Variants in CDH12 observed in about 807,000 individuals in gnomAD.
CDH12 encodes the protein cadherin-12.
In CDH12, 41 loss-of-function variants were observed where a neutral mutation model predicts 74.1. That is an observed-to-expected ratio of 0.55 (90% CI 0.43 to 0.72). The LOEUF (loss-of-function observed/expected upper bound fraction) is 0.72. Among genes scored for constraint, CDH12 ranks in the 30% least tolerant of loss-of-function variants. The pLI is 0.00. For synonymous variants in CDH12, 399 were observed against 355.0 expected (o/e 1.12, Z -1.39); for missense variants, 945 against 977.2 (o/e 0.97, Z 0.44).
intron 2 of CDH12, among the ~76,000 whole-genome samples, chr5:22,495,931 T>C (rs890974055): frequency 1.3e-5 from 2 of 152,200 alleles, no homozygotes; most frequent in South Asian, 4.1e-4. Flanking sequence ...GAACTTACTT[T>C]TTTACAAACC....
intron 1 of CDH12, among the ~76,000 whole-genome samples, chr5:22,612,382 ATATCT>A (rs1487435904): frequency 7.9e-5 from 12 of 152,130 alleles, no homozygotes; most frequent in Admixed American, 7.9e-4. Flanking sequence ...CTTTGTGCAG[ATATCT>A]TATATTTACT....
At chr5:22,204,173 T>TG (rs1292276522) in intron 4 of CDH12, among the ~76,000 whole-genome samples, 1 of 148,006 alleles carries the variant, frequency 6.8e-6, no homozygotes, top group African/African-American at 2.5e-5. Context: ...TTTTTTTTTT[T>TG]TTGTTTTTTG....
At chr5:21,895,254 C>T (rs7448757) in intron 6 of CDH12, among the ~76,000 whole-genome samples, 113,688 of 152,160 alleles carry the variant, frequency 0.75, 44,524 homozygotes, top group Non-Finnish European at 0.86. Flanking sequence ...GCTTACCTCA[C>T]ATACCCCATG....
intron 1 of CDH12, among the ~76,000 whole-genome samples, chr5:22,801,691 T>C: frequency 7.9e-6 from 1 of 126,138 alleles, no homozygotes; most frequent in Non-Finnish European, 1.7e-5. Flanking sequence ...ATATACACTT[T>C]GTTTAATAGG....
chr5:22,566,958 C>T (rs367729926), intron 1 of CDH12, among the ~76,000 whole-genome samples: 1 of 152,078 alleles, frequency 6.6e-6, no homozygotes, highest in Non-Finnish European at 1.5e-5. Flanking sequence ...TATGACATTA[C>T]CCATTTGGTT....
At position 21,836,780 on chromosome 5, in the gene CDH12, A is replaced by G. The variant is rs548730570; in HGVS notation, c.814+5381T>C. On this transcript the variant is annotated intron_variant, in intron 8 of 14. Transcript: ENST00000382254. ...ACTTTTCTGTAGCTTATTTTAACAG[A>G]TGGAAATCCTCTACAGATATCCTTG... Among the ~76,000 whole-genome samples the G allele has an allele frequency of 1.3e-3, 201 of 152,060 alleles. 2 individuals carry two copies. The Middle Eastern group carries it at 0.044, about 33-fold the overall frequency.
At position 22,250,013 on chromosome 5, in the gene CDH12, T is replaced by C. The variant is rs148188992; in HGVS notation, c.-332-37370A>G. ...ATTGAGCCTTAAACAAAGTCCGTCA[T>C]CCAATTAAAAAAAAAATGTAGGCTG... is the stretch of plus-strand genomic sequence containing the variant. On this transcript the variant is annotated intron_variant, in intron 3 of 14. Coordinates refer to ENST00000382254, the MANE Select transcript of CDH12 (RefSeq NM_004061.5). Among the ~76,000 whole-genome samples, 1,004 of 151,752 alleles carry C rather than the reference T, an allele frequency of 6.6e-3. 8 individuals carry two copies. Among genetic ancestry groups the C allele is most frequent in the African/African-American group, 0.022 (903 of 41,372 alleles).
chr5:22,612,377 T>A (rs555208780), intron 1 of CDH12, among the ~76,000 whole-genome samples: 3 of 152,286 alleles, frequency 2.0e-5, no homozygotes, highest in Non-Finnish European at 4.4e-5. Context: ...TTTATCTTTG[T>A]GCAGATATCT....
At chr5:22,197,774 C>T (rs1421549218) in intron 4 of CDH12, among the ~76,000 whole-genome samples, 1 of 152,034 alleles carries the variant, frequency 6.6e-6, no homozygotes, top group Non-Finnish European at 1.5e-5. Flanking sequence ...CCAAGATGAT[C>T]TCAAACACAA....
At chr5:22,496,390 A>G (rs754044564) in intron 2 of CDH12, among the ~76,000 whole-genome samples, 3 of 152,208 alleles carry the variant, frequency 2.0e-5, no homozygotes, top group Non-Finnish European at 4.4e-5. Context: ...TTGCAACATA[A>G]TGTAGATGGA....
chr5:21,830,342 TATA>T lies in CDH12; in HGVS notation c.814+11816_814+11818del, dbSNP rs199888343. Among the ~76,000 whole-genome samples, 3 of 146,694 alleles carry T rather than the reference TATA, an allele frequency of 2.0e-5. No individual in the cohort carries two copies. In the East Asian group the frequency reaches 6.1e-4, roughly 30 times the overall value. On this transcript the variant is annotated intron_variant, in intron 8 of 14. Coordinates refer to ENST00000382254, the MANE Select transcript of CDH12 (RefSeq NM_004061.5). ...CGTTGAAAAGAGAAAGAGAGGAAAA[TATA>T]AGAGGGACAAGGAGAAGGAAAAAAT...
At chr5:21,756,118 A>C (rs2149864246) in intron 13 of CDH12, among the ~76,000 whole-genome samples, 1 of 152,186 alleles carries the variant, frequency 6.6e-6, no homozygotes, top group South Asian at 2.1e-4. Flanking sequence ...TAAATTGATC[A>C]ATTTTTTTAT....
intron 5 of CDH12, among the ~76,000 whole-genome samples, chr5:22,030,509 A>ATGTATT (rs1260330535): frequency 1.3e-5 from 2 of 152,184 alleles, no homozygotes; most frequent in Non-Finnish European, 2.9e-5. Context: ...TACAATACCT[A>ATGTATT]GTAAGTTATG....
chr5:22,385,783 G>C (rs1483634517), intron 3 of CDH12, among the ~76,000 whole-genome samples: 1 of 152,018 alleles, frequency 6.6e-6, no homozygotes, highest in African/African-American at 2.4e-5. Flanking sequence ...AAGCATGACT[G>C]GGGAGGCCTC....
chr5:21,976,278 T>TAGTATGGAATAAGATACACATG (rs1757067111), intron 5 of CDH12, among the ~76,000 whole-genome samples: 1 of 152,128 alleles, frequency 6.6e-6, no homozygotes, highest in Non-Finnish European at 1.5e-5. Flanking sequence ...CATTATGTTA[T>TAGTATGGAATAAGATACACATG]AGTATGGAAT....
chr5:22,158,375 C>T (rs1430994841), intron 4 of CDH12, among the ~76,000 whole-genome samples: 1 of 151,974 alleles, frequency 6.6e-6, no homozygotes, highest in African/African-American at 2.4e-5. Context: ...ATAATATTTA[C>T]TGAGCACTTA....
intron 1 of CDH12, among the ~76,000 whole-genome samples, chr5:22,702,353 C>G (rs1258773483): frequency 3.3e-5 from 5 of 152,116 alleles, no homozygotes; most frequent in Non-Finnish European, 5.9e-5. Context: ...ACCACTGATA[C>G]AAGGCAGATT....
At chr5:21,777,829 A>G (rs1217924379) in intron 11 of CDH12, among the ~76,000 whole-genome samples, 1 of 152,162 alleles carries the variant, frequency 6.6e-6, no homozygotes, top group African/African-American at 2.4e-5. Flanking sequence ...TAACTGACAG[A>G]TACAACTGTA....
intron 4 of CDH12, among the ~76,000 whole-genome samples, chr5:22,193,890 T>C (rs1750449496): frequency 6.6e-6 from 1 of 152,248 alleles, no homozygotes. Context: ...ACTAATACAA[T>C]TGAATTTATG....
Sources: allele counts gnomAD v4.1 joint callset (sites outside exome capture counted in the v4.1 genomes callset), GRCh38; gene constraint gnomAD v4.1.1; transcripts MANE v1.5; gene names NCBI Gene and HGNC (gene_info 2026-07-23, HGNC 2026-07-21).